Variants in PARP14 observed in about 807,000 individuals in gnomAD.
PARP14 encodes the protein poly(ADP-ribose) polymerase family member 14, also known as protein mono-ADP-ribosyltransferase PARP14.
Under a neutral mutation model 154.2 loss-of-function variants are expected in PARP14, and 59 were observed. The observed-to-expected ratio is 0.38, with a 90% CI of 0.31 to 0.48. The LOEUF is 0.48. PARP14 is among the 20% of genes least tolerant of loss of function. The probability of loss-of-function intolerance (pLI) is 0.98; values close to 1 mark genes in which losing one functional copy is unlikely to be tolerated. For synonymous variants in PARP14, 720 were observed against 780.5 expected, an observed-to-expected ratio of 0.92 and a Z score of 1.29; for missense variants, 1,734 against 2,131.6, an observed-to-expected ratio of 0.81 and a Z score of 3.67.
Position 122,714,396 on chromosome 3 carries a change from T to C in PARP14, c.3967T>C (p.Tyr1323His). Reference protein sequence around the residue: ...SVLQECEKKNYSSICLPAIGT... With the variant: ...SVLQECEKKNHSSICLPAIGT... ...TTTGCAGGAGTGTGAAAAAAAAAAT[T>C]ACTCATCCATTTGCCTCCCAGCCAT... The change falls in exon 12 of 17, where the codon TAC becomes CAC. Residue 1323 changes from tyrosine (Y) to histidine (H), a missense_variant. This residue lies in a region of PARP14 where 1,646 missense variants were observed against 1,976.0 expected (regional missense o/e 0.83). Coordinates refer to ENST00000474629, the MANE Select transcript of PARP14 (RefSeq NM_017554.3). 6.3e-7 allele frequency: 1 copy of C among 1,582,278 alleles called. No individual in the cohort carries two copies. Among genetic ancestry groups the C allele is most frequent in the Non-Finnish European group, 8.5e-7 (1 of 1,170,084 alleles).
At position 122,694,946 on chromosome 3, in the gene PARP14, G is replaced by T. The variant is rs182916276; in HGVS notation, c.599-480G>T. Among the ~76,000 whole-genome samples the T allele has an allele frequency of 9.6e-4, 146 of 152,158 alleles. No individual in the cohort carries two copies. In the East Asian group the frequency reaches 0.012, roughly 12 times the overall value. Reference sequence around the variant, plus strand: ...ACAAAGACCCTTTCAAGGAGAAGGGGTTTTACAAAAATAATGACTAGTTTT... The same window carrying T: ...ACAAAGACCCTTTCAAGGAGAAGGGTTTTTACAAAAATAATGACTAGTTTT... On this transcript the variant is annotated intron_variant, in intron 4 of 16. Coordinates refer to ENST00000474629, the MANE Select transcript of PARP14 (RefSeq NM_017554.3).
At chr3:122,691,848 G>T (rs930422423) in intron 3 of PARP14, among the ~76,000 whole-genome samples, 1 of 152,128 alleles carries the variant, frequency 6.6e-6, no homozygotes, top group African/African-American at 2.4e-5. Context: ...CTTCAATTAT[G>T]TATAATTTTA....
intron 9 of PARP14, among the ~76,000 whole-genome samples, chr3:122,712,062 G>A (rs1308255945): frequency 4.0e-5 from 6 of 151,030 alleles, no homozygotes; most frequent in African/African-American, 1.5e-4. Flanking sequence ...ATCTTTTTTT[G>A]TTTGTTTGTT....
intron 12 of PARP14, among the ~76,000 whole-genome samples, chr3:122,715,654 C>CTATCTATT (rs67372765): frequency 7.1e-6 from 1 of 140,772 alleles, no homozygotes; most frequent in African/African-American, 2.6e-5. Context: ...ATCTATCTAT[C>CTATCTATT]GATCTGTCTA....
chr3:122,712,801 C>G (rs1309593914), intron 9 of PARP14, among the ~76,000 whole-genome samples: 2 of 152,192 alleles, frequency 1.3e-5, no homozygotes, highest in Non-Finnish European at 2.9e-5. Context: ...GATCCACCCA[C>G]CTCGGCCTCC....
intron 4 of PARP14, among the ~76,000 whole-genome samples, chr3:122,694,207 A>G (rs1259356483): frequency 6.6e-6 from 1 of 152,196 alleles, no homozygotes; most frequent in African/African-American, 2.4e-5. Flanking sequence ...AAGGGACCCA[A>G]ACAAGGTGGC....
chr3:122,713,836 A>G (rs1932919164), intron 10 of PARP14, 36 bp from the exon 11 acceptor site: 2 of 1,450,454 alleles, frequency 1.4e-6, no homozygotes. Context: ...GTGGTTTTTT[A>G]CTCATGTTTG....
At chr3:122,682,925 T>G (rs1449055786) in intron 1 of PARP14, among the ~76,000 whole-genome samples, 1 of 151,960 alleles carries the variant, frequency 6.6e-6, no homozygotes. Context: ...CGTGGTGGTG[T>G]GCGCCTATAG....
At position 122,701,535 on chromosome 3, in the gene PARP14, C is replaced by A; in HGVS notation, c.2981C>A (p.Ala994Glu). The change falls in exon 6 of 17, where the codon GCA becomes GAA. Residue 994 changes from alanine to glutamate, a missense_variant. Coordinates refer to ENST00000474629, the MANE Select transcript of PARP14 (RefSeq NM_017554.3). The surrounding 1 kb of genome is among the most constrained non-coding windows in gnomAD (Gnocchi z 4.0). ...DTAAPPGLPP[A>E]AAGPGKTSWE... ...GCTGCCCCGCCAGGTTTACCACCAGCAGCAGCGGGGCCTGGGAAAACATCA... is the reference window on the plus strand; with the variant it reads ...GCTGCCCCGCCAGGTTTACCACCAGAAGCAGCGGGGCCTGGGAAAACATCA... 6.2e-7 allele frequency: 1 copy of A among 1,612,544 alleles called. No homozygotes were observed. Among genetic ancestry groups the A allele is most frequent in the Admixed American group, 1.7e-5 (1 of 59,700 alleles).
intron 15 of PARP14, 152 bp downstream of exon 15, chr3:122,720,540 T>C (rs1365724994): frequency 4.4e-5 from 32 of 720,430 alleles, no homozygotes; most frequent in Admixed American, 1.2e-4. Flanking sequence ...ATTCTACTCA[T>C]GTGACCATAA....
intron 15 of PARP14, among the ~76,000 whole-genome samples, chr3:122,726,399 G>T (rs961930823): frequency 2.0e-5 from 3 of 152,146 alleles, no homozygotes; most frequent in Non-Finnish European, 1.5e-5. Flanking sequence ...GCACTTTGAA[G>T]AAATTATTGT....
chr3:122,723,453 G>A (rs527381969), intron 15 of PARP14, among the ~76,000 whole-genome samples: 1 of 152,256 alleles, frequency 6.6e-6, no homozygotes, highest in Admixed American at 6.5e-5. Context: ...TCACATTCTG[G>A]ATCTGTCATG....
chr3:122,708,625 C>T (rs187634972), intron 9 of PARP14, among the ~76,000 whole-genome samples: 1 of 152,278 alleles, frequency 6.6e-6, no homozygotes, highest in Non-Finnish European at 1.5e-5. Context: ...TTGAGTTTAT[C>T]CTGTTTGAGT....
At chr3:122,686,446 C>T (rs1938375688) in intron 2 of PARP14, among the ~76,000 whole-genome samples, 2 of 150,282 alleles carry the variant, frequency 1.3e-5, no homozygotes, top group African/African-American at 4.9e-5. Context: ...TGAGCCACCA[C>T]ACCCGTCCTT....
chr3:122,704,669 A>C lies in PARP14; in HGVS notation c.3461A>C (p.Lys1154Thr). The C allele has an allele frequency of 6.2e-7, 1 of 1,607,400 alleles. No individual in the cohort carries two copies. Among genetic ancestry groups the C allele is most frequent in the Non-Finnish European group, 8.5e-7 (1 of 1,176,302 alleles). ...GAATTAATCATTTCAGAGGTGTTCA[A>C]ATTTAGTAGCAAGAATCAGCTGAAA... is the stretch of plus-strand genomic sequence containing the variant. Reference protein sequence around the residue: ...FAELIISEVFKFSSKNQLKTL... With the variant: ...FAELIISEVFTFSSKNQLKTL... Residue 1154 changes from lysine (K) to threonine (T), a missense_variant, in exon 8 of 17, where the codon AAA (lysine) becomes ACA (threonine). This residue lies in a region of PARP14 where 1,646 missense variants were observed against 1,976.0 expected (regional missense o/e 0.83). Transcript: ENST00000474629.
At chr3:122,712,732 T>C (rs996950455) in intron 9 of PARP14, among the ~76,000 whole-genome samples, 7 of 151,906 alleles carry the variant, frequency 4.6e-5, no homozygotes, top group Admixed American at 2.0e-4. Context: ...TTTGTATTAT[T>C]TGTAGAGATG....
chr3:122,703,444 A>G (rs1324103082), intron 6 of PARP14, among the ~76,000 whole-genome samples: 1 of 151,962 alleles, frequency 6.6e-6, no homozygotes, highest in Non-Finnish European at 1.5e-5. Context: ...AATTCTTCCC[A>G]TTTCTCAAAC....
intron 4 of PARP14, among the ~76,000 whole-genome samples, chr3:122,693,983 T>G (rs1334987465): frequency 2.0e-5 from 3 of 152,240 alleles, no homozygotes; most frequent in African/African-American, 4.8e-5. Context: ...CTAAATGGAC[T>G]TGCTTTTGTT....
intron 5 of PARP14, among the ~76,000 whole-genome samples, chr3:122,697,049 C>G (rs2107641852): frequency 6.6e-6 from 1 of 152,176 alleles, no homozygotes; most frequent in African/African-American, 2.4e-5. Context: ...CCTCCCCAGG[C>G]TCAGGTGATC....
Sources: gnomAD v4.1 joint callset for allele counts (sites outside exome capture counted in the v4.1 genomes callset) on GRCh38, gnomAD v4.1.1 for gene constraint, gnomAD v4.1.1 regional missense constraint, Gnocchi (gnomAD v3.1) non-coding constraint, MANE v1.5 for transcripts, NCBI Gene and HGNC (gene_info 2026-07-23, HGNC 2026-07-21) for gene names.